HBS1L: variants seen among roughly 807,000 people sequenced by gnomAD.
HBS1L encodes HBS1-like protein.
In HBS1L, 55 loss-of-function variants were observed where a neutral mutation model predicts 88.9. The observed-to-expected ratio is 0.62, with a 90% CI of 0.50 to 0.77. HBS1L has a LOEUF of 0.77. Ranked by LOEUF, HBS1L falls within the 30% of genes least tolerant of loss-of-function variation. The pLI, the probability that HBS1L is intolerant of heterozygous loss-of-function variation, is 0.00. For synonymous variants in HBS1L, 267 were observed against 288.5 expected (o/e 0.93, Z 0.76); for missense variants, 741 against 829.3 (o/e 0.89, Z 1.31).
intron 4 of HBS1L, among the ~76,000 whole-genome samples, chr6:135,017,702 G>A (rs1446713292): frequency 6.6e-6 from 1 of 151,758 alleles, no homozygotes; most frequent in Non-Finnish European, 1.5e-5. Flanking sequence ...GAAACGCATA[G>A]ACAAAAACTG....
intron 2 of HBS1L, among the ~76,000 whole-genome samples, chr6:135,045,561 C>A (rs187177611): frequency 6.6e-6 from 1 of 152,174 alleles, no homozygotes; most frequent in Admixed American, 6.5e-5. Flanking sequence ...TCTGGCCAGG[C>A]ACAGTGGCTC....
In HBS1L at chr6:134,965,106, T is replaced by A; in HGVS notation, c.*173A>T. Reference sequence around the variant, plus strand: ...TTCTTTGCCAGTTGGCAACTTAGAATTTTTGCAGAGGTGATTATTAATACT... The same window carrying A: ...TTCTTTGCCAGTTGGCAACTTAGAAATTTTGCAGAGGTGATTATTAATACT... On this transcript the variant is annotated 3_prime_UTR_variant, in exon 18 of 18. Transcript: ENST00000367837. The A allele has an allele frequency of 1.6e-6, 1 of 624,082 alleles. No individual in the cohort carries two copies. Among genetic ancestry groups the A allele is most frequent in the South Asian group, 1.9e-5 (1 of 52,294 alleles). 38.7% of individuals were successfully genotyped at this position (624,082 alleles called of 1,614,324 possible). A position where few individuals can be genotyped will look rare whatever the true frequency, so the allele number is the denominator to read the frequency against.
At chr6:135,034,817 G>A (rs776504192) in intron 4 of HBS1L, among the ~76,000 whole-genome samples, 30 of 152,132 alleles carry the variant, frequency 2.0e-4, no homozygotes, top group Middle Eastern at 3.4e-3. Context: ...GTTATTCTTG[G>A]CATTGATAAC....
chr6:134,985,350 C>T lies in HBS1L; in HGVS notation c.1483G>A (p.Val495Ile), dbSNP rs140479282. 6.2e-7 allele frequency: 1 copy of T among 1,603,958 alleles called. No individual in the cohort carries two copies. Among genetic ancestry groups the T allele is most frequent in the Non-Finnish European group, 8.5e-7 (1 of 1,174,664 alleles). The change falls in exon 12 of 18, where the codon GTT (valine) becomes ATT (isoleucine). Residue 495 changes from valine (V) to isoleucine (I), a missense_variant. Physicochemically the swap from Val to Ile is conservative, Grantham distance 29. Around this residue, in one of 3 missense-constraint regions of HBS1L, gnomAD observed 556 missense variants for 598.4 expected, o/e 0.93. Transcript: ENST00000367837. ...CAAAGGTAGCACTTACCTTTGAAAACATCGGACACACATAATCTAAAAGGT... is the reference window on the plus strand; with the variant it reads ...CAAAGGTAGCACTTACCTTTGAAAATATCGGACACACATAATCTAAAAGGT... ...DKPFRLCVSD[V>I]FKDQGSGFCI...
In HBS1L at chr6:134,962,066, T is replaced by A. The variant is rs912985716; in HGVS notation, c.*3213A>T. ...TGCCTGGAATATGGCAGGATCATAA[T>A]TAGACGAGGAAAGGATGAATGTTTT... On this transcript the variant is annotated 3_prime_UTR_variant, in exon 18 of 18. Coordinates refer to ENST00000367837, the MANE Select transcript of HBS1L (RefSeq NM_006620.4). The A allele has an allele frequency of 1.3e-5, 2 of 152,134 alleles. No individual in the cohort carries two copies. The highest frequency in any genetic ancestry group is 2.9e-5 in the Non-Finnish European group (2 of 68,022). The allele number at this position is 152,134 out of a possible 1,614,324, so 9.4% of individuals were successfully genotyped here.
At position 134,966,468 on chromosome 6, in the gene HBS1L, AAAAAC is replaced by A; in HGVS notation, c.1899_1903del (p.Lys633AsnfsTer3). 1 of 1,579,778 alleles carries A rather than the reference AAAAAC, an allele frequency of 6.3e-7. No homozygotes were observed. The highest frequency in any genetic ancestry group is 8.6e-7 in the Non-Finnish European group (1 of 1,164,998). On this transcript the variant is annotated frameshift_variant and splice_region_variant, in exon 17 of 18. Coordinates refer to ENST00000367837, the MANE Select transcript of HBS1L (RefSeq NM_006620.4). LOFTEE classifies it high-confidence loss of function. ...TACCAATGCATTCTGGCCTTTAGTCAAAAACCTATTAAGAAAAAAAAAGAACAAAT... is the reference window on the plus strand; with the variant it reads ...TACCAATGCATTCTGGCCTTTAGTCACTATTAAGAAAAAAAAAGAACAAAT...
intron 4 of HBS1L, among the ~76,000 whole-genome samples, chr6:135,023,392 C>T (rs985712637): frequency 1.3e-5 from 2 of 151,996 alleles, no homozygotes; most frequent in East Asian, 1.9e-4. Flanking sequence ...TGCAGTGAGC[C>T]GATTTCGCGC....
chr6:134,987,761 T>G lies in HBS1L; in HGVS notation c.1114A>C (p.Ser372Arg), dbSNP rs766282757. ...AATCCAGCTTCAAACTCTCCCCTGC[T>G]GGCATCTACAACTAAAACAGCTACA... ...ADVAVLVVDA[S>R]RGEFEAGFET... Residue 372 changes from serine (S) to arginine (R), a missense_variant, in exon 9 of 18, where the codon AGC (serine) becomes CGC (arginine). Ser to Arg is a moderately radical substitution (Grantham distance 110, BLOSUM62 -1). Coordinates refer to ENST00000367837, the MANE Select transcript of HBS1L (RefSeq NM_006620.4). The G allele has an allele frequency of 6.2e-7, 1 of 1,601,900 alleles. No individual in the cohort carries two copies. Among genetic ancestry groups the G allele is most frequent in the South Asian group, 1.1e-5 (1 of 89,282 alleles).
intron 7 of HBS1L, among the ~76,000 whole-genome samples, chr6:134,994,516 T>C (rs1583086652): frequency 6.6e-6 from 1 of 152,132 alleles, no homozygotes; most frequent in Non-Finnish European, 1.5e-5. Context: ...GCTTTTCAAA[T>C]TACAGACTTT....
Position 134,963,934 on chromosome 6 carries a change from T to TG in HBS1L, c.*1344_*1345insC. 6.6e-6 allele frequency: 1 copy of TG among 152,180 alleles called. No homozygotes were observed. Among genetic ancestry groups the TG allele is most frequent in the Non-Finnish European group, 1.5e-5 (1 of 68,034 alleles). 9.4% of individuals were successfully genotyped at this position (152,180 alleles called of 1,614,324 possible). A position where few individuals can be genotyped will look rare whatever the true frequency, so the allele number is the denominator to read the frequency against. Reference sequence around the variant, plus strand: ...TCACATATATCTGTTAAATTCTTGATTAATATTAATATTTAAATAAAACTT... The same window carrying TG: ...TCACATATATCTGTTAAATTCTTGATGTAATATTAATATTTAAATAAAACTT... On this transcript the variant is annotated 3_prime_UTR_variant, in exon 18 of 18. Coordinates refer to ENST00000367837, the MANE Select transcript of HBS1L (RefSeq NM_006620.4).
chr6:134,994,898 C>T (rs1299899336), intron 7 of HBS1L, among the ~76,000 whole-genome samples: 1 of 152,006 alleles, frequency 6.6e-6, no homozygotes, highest in African/African-American at 2.4e-5. Flanking sequence ...CCCAGAATCA[C>T]CCAAAGTAAG....
At chr6:134,986,529 A>C (rs1314252851) in intron 10 of HBS1L, among the ~76,000 whole-genome samples, 1 of 152,158 alleles carries the variant, frequency 6.6e-6, no homozygotes, top group Non-Finnish European at 1.5e-5. Context: ...TATTTTGCTT[A>C]CATAAAAACC....
chr6:135,046,138 A>C (rs917203107), intron 2 of HBS1L, among the ~76,000 whole-genome samples: 1 of 152,166 alleles, frequency 6.6e-6, no homozygotes, highest in African/African-American at 2.4e-5. Flanking sequence ...CTCAGAGGCC[A>C]TTGCTTAAGC....
chr6:135,037,556 G>T, intron 4 of HBS1L: 1 of 1,549,884 alleles, frequency 6.5e-7, no homozygotes, highest in South Asian at 1.2e-5. Flanking sequence ...GAATTATTTT[G>T]AATATATAAA....
intron 12 of HBS1L, among the ~76,000 whole-genome samples, chr6:134,984,261 T>C (rs767040948): frequency 2.6e-5 from 4 of 152,232 alleles, no homozygotes; most frequent in Admixed American, 2.6e-4. Context: ...TTTGATTTCA[T>C]TGCATGATTT....
chr6:135,017,516 T>C (rs1296665263), intron 4 of HBS1L, among the ~76,000 whole-genome samples: 1 of 152,116 alleles, frequency 6.6e-6, no homozygotes, highest in African/African-American at 2.4e-5. Flanking sequence ...TGTAGAACAC[T>C]AGTTTTTGTT....
rs570018630 is a variant in HBS1L, at chr6:135,045,026, T to C, written c.110-2900A>G. Reference sequence around the variant, plus strand: ...TCAAAAACCCATACTGTGGCCACTATTTTGGAAGTAGTAATGGTTGGATTT... The same window carrying C: ...TCAAAAACCCATACTGTGGCCACTACTTTGGAAGTAGTAATGGTTGGATTT... On this transcript the variant is annotated intron_variant, in intron 2 of 17. Coordinates refer to ENST00000367837, the MANE Select transcript of HBS1L (RefSeq NM_006620.4). Among the ~76,000 whole-genome samples the C allele has an allele frequency of 1.6e-4, 25 of 152,148 alleles. No individual in the cohort carries two copies. In the South Asian group the frequency reaches 5.0e-3, roughly 30 times the overall value.
chr6:134,968,512 G>C (rs936732782), intron 16 of HBS1L, among the ~76,000 whole-genome samples: 1 of 152,138 alleles, frequency 6.6e-6, no homozygotes, highest in Non-Finnish European at 1.5e-5. Flanking sequence ...GCCTCTCAAA[G>C]TGCTAGGATT....
chr6:135,038,357 T>A (rs1776623182), intron 4 of HBS1L, among the ~76,000 whole-genome samples: 1 of 136,206 alleles, frequency 7.3e-6, no homozygotes. Context: ...TGTCTCAAAT[T>A]CAAAAACTTC....
Sources: gnomAD v4.1 joint callset for allele counts (sites outside exome capture counted in the v4.1 genomes callset) on GRCh38, gnomAD v4.1.1 for gene constraint, gnomAD v4.1.1 regional missense constraint, MANE v1.5 for transcripts, NCBI Gene and HGNC (gene_info 2026-07-23, HGNC 2026-07-21) for gene names.